Variants in ARHGEF6 observed in about 807,000 individuals in gnomAD.
The protein encoded by ARHGEF6 is Rac/Cdc42 guanine nucleotide exchange factor 6.
In ARHGEF6, 9 loss-of-function variants were observed where a neutral mutation model predicts 70.3. The ratio of observed to expected loss-of-function variants is 0.13; its 90% CI spans 0.08 to 0.22. ARHGEF6 has a LOEUF of 0.22. Among genes scored for constraint, ARHGEF6 ranks in the 10% least tolerant of loss-of-function variants. ARHGEF6 has a pLI of 1.00. For synonymous variants in ARHGEF6, 201 were observed against 207.8 expected (o/e 0.97, Z 0.28); for missense variants, 470 against 563.0 (o/e 0.83, Z 1.67).
At chrX:136,767,086 A>C in intron 2 of ARHGEF6, 23 of 704,277 alleles carry the variant, frequency 3.3e-5, no homozygotes, top group Non-Finnish European at 3.9e-5. Flanking sequence ...TTCGGCACCC[A>C]CCCCCGGGCC....
chrX:136,686,594 G>A (rs866716122), intron 11 of ARHGEF6, among the ~76,000 whole-genome samples: 4,182 of 56,872 alleles, frequency 0.074, 379 homozygotes, highest in African/African-American at 0.24. Context: ...GTATGTGTGT[G>A]TATATATATA....
chrX:136,739,957 C>T (rs1354997655), intron 5 of ARHGEF6, among the ~76,000 whole-genome samples: 1 of 111,354 alleles, frequency 9.0e-6, no homozygotes, highest in Non-Finnish European at 1.9e-5. Flanking sequence ...ATTGTGATGG[C>T]CTTGGCCTTT....
At chrX:136,727,390 T>TC (rs2076874669) in intron 6 of ARHGEF6, among the ~76,000 whole-genome samples, 2 of 74,534 alleles carry the variant, frequency 2.7e-5, no homozygotes, top group Admixed American at 3.1e-4. Context: ...TCTTTCTTTC[T>TC]TTCTTTCTCT....
chrX:136,712,403 T>C (rs1191534423), intron 7 of ARHGEF6, among the ~76,000 whole-genome samples: 1 of 112,543 alleles, frequency 8.9e-6, no homozygotes, highest in Non-Finnish European at 1.9e-5. Context: ...TTTTCAGCCA[T>C]CACACCCGGC....
At chrX:136,752,143 A>G in intron 2 of ARHGEF6, among the ~76,000 whole-genome samples, 1 of 112,613 alleles carries the variant, frequency 8.9e-6, no homozygotes. Context: ...CAATACAAGT[A>G]GCATCTGTAT....
At chrX:136,757,180 A>C (rs944546623) in intron 2 of ARHGEF6, among the ~76,000 whole-genome samples, 2 of 112,681 alleles carry the variant, frequency 1.8e-5, no homozygotes, top group Non-Finnish European at 3.8e-5. Context: ...CAGCCTGGCC[A>C]ACATGGCCGT....
chrX:136,729,340 T>C (rs777505226), intron 6 of ARHGEF6, among the ~76,000 whole-genome samples: 56 of 104,274 alleles, frequency 5.4e-4, no homozygotes, highest in Middle Eastern at 4.8e-3. Flanking sequence ...TTGTGGTGCA[T>C]GCCTGTAATC....
Position 136,665,794 on chromosome X carries a change from T to C in ARHGEF6, c.*2235A>G, listed in dbSNP as rs752641097. On this transcript the variant is annotated 3_prime_UTR_variant, in exon 22 of 22. Coordinates refer to ENST00000250617, the MANE Select transcript of ARHGEF6 (RefSeq NM_004840.3). ...ACATGGCTTCATTTCCTTTATATTA[T>C]AGTTTAGTGTGTAAGCATGGTTACC... The C allele has an allele frequency of 8.9e-6, 1 of 111,844 alleles. No homozygotes were observed. The highest frequency in any genetic ancestry group is 3.8e-4 in the South Asian group (1 of 2,619). The allele number at this position is 111,844 out of a possible 1,213,427, so 9.2% of individuals were successfully genotyped here. A position where few individuals can be genotyped will look rare whatever the true frequency, so the allele number is the denominator to read the frequency against.
intron 18 of ARHGEF6, 112 bp from the exon 19 acceptor site, chrX:136,675,208 G>A (rs776057148): frequency 3.1e-6 from 2 of 643,686 alleles, no homozygotes; most frequent in African/African-American, 2.2e-5. Context: ...TAGAGTTTGT[G>A]AAAGGCAGGA....
At chrX:136,714,839 G>A (rs2076721149) in intron 6 of ARHGEF6, among the ~76,000 whole-genome samples, 1 of 111,451 alleles carries the variant, frequency 9.0e-6, no homozygotes, top group African/African-American at 3.3e-5. Flanking sequence ...CTACCTGGGG[G>A]ACCATTATGA....
intron 12 of ARHGEF6, among the ~76,000 whole-genome samples, chrX:136,684,607 T>C (rs1031094706): frequency 3.6e-5 from 4 of 110,461 alleles, no homozygotes; most frequent in African/African-American, 1.3e-4. Context: ...AAGGCACATC[T>C]GTTAGGGACA....
At chrX:136,740,079 G>A (rs1321822795) in intron 5 of ARHGEF6, among the ~76,000 whole-genome samples, 1 of 111,078 alleles carries the variant, frequency 9.0e-6, no homozygotes, top group Non-Finnish European at 1.9e-5. Context: ...CACGATCTCA[G>A]CTCACTGCAA....
Position 136,743,756 on chromosome X carries a change from T to A in ARHGEF6, c.490A>T (p.Ile164Leu). The change falls in exon 5 of 22, where the codon ATA becomes TTA. Residue 164 changes from isoleucine to leucine, a missense_variant. Ile to Leu is a conservative substitution (Grantham distance 5). This residue lies in a region of ARHGEF6 where 379 missense variants were observed against 449.3 expected (regional missense o/e 0.84). Transcript: ENST00000250617. ...EMTENGSHQLIVKARFNFKQT... is the reference protein window; with the variant it reads ...EMTENGSHQLLVKARFNFKQT... The stretch of plus-strand genomic sequence containing the variant: ...TTAAAGTTGAATCTTGCTTTTACTA[T>A]CAACTGATGACTTCCATTTTCCGTC... 1.7e-6 allele frequency: 2 copies of A among 1,211,669 alleles called. No individual in the cohort carries two copies. The highest frequency in any genetic ancestry group is 2.2e-6 in the Non-Finnish European group (2 of 895,466).
At chrX:136,774,261 T>C (rs2077384726) in intron 2 of ARHGEF6, among the ~76,000 whole-genome samples, 1 of 111,217 alleles carries the variant, frequency 9.0e-6, no homozygotes, top group African/African-American at 3.3e-5. Context: ...CATCCAGTAT[T>C]CTTAGAACTG....
At chrX:136,780,197 A>G (rs2077436526) in intron 1 of ARHGEF6, among the ~76,000 whole-genome samples, 1 of 112,156 alleles carries the variant, frequency 8.9e-6, no homozygotes, top group South Asian at 3.7e-4. Flanking sequence ...CGAAACATAT[A>G]TCTGGTTTCT....
chrX:136,743,557 C>A, intron 5 of ARHGEF6, 28 bp downstream of exon 5: 1 of 1,186,081 alleles, frequency 8.4e-7, no homozygotes, highest in African/African-American at 1.7e-5. Context: ...GAGTCACAAT[C>A]AAAAAGCCTT....
chrX:136,735,137 G>A (rs776594931), intron 5 of ARHGEF6, among the ~76,000 whole-genome samples: 1 of 111,903 alleles, frequency 8.9e-6, no homozygotes, highest in Non-Finnish European at 1.9e-5. Context: ...TGAAGTTCTA[G>A]TTCTCTCTGC....
chrX:136,771,760 A>G (rs1440576468), intron 2 of ARHGEF6, among the ~76,000 whole-genome samples: 1 of 112,136 alleles, frequency 8.9e-6, no homozygotes, highest in Non-Finnish European at 1.9e-5. Flanking sequence ...AGGCAATAAC[A>G]AATGCTGGAG....
rs1261965018 is a variant in ARHGEF6 at position 136,666,202 on chromosome X, G to C, written c.*1827C>G. 8.9e-6 allele frequency: 1 copy of C among 112,874 alleles called. No homozygotes were observed. Among genetic ancestry groups the C allele is most frequent in the Non-Finnish European group, 1.9e-5 (1 of 53,364 alleles). 9.3% of individuals were successfully genotyped at this position (112,874 alleles called of 1,213,427 possible). On this transcript the variant is annotated 3_prime_UTR_variant, in exon 22 of 22. Coordinates refer to ENST00000250617, the MANE Select transcript of ARHGEF6 (RefSeq NM_004840.3). ...ACACGGCTGTGTGTGGTTGGCTGAT[G>C]TTGGACTGCAAAAATAGTCCATTTC... is the stretch of plus-strand genomic sequence containing the variant.
Sources: gnomAD v4.1 joint callset for allele counts (sites outside exome capture counted in the v4.1 genomes callset) on GRCh38, gnomAD v4.1.1 for gene constraint, gnomAD v4.1.1 regional missense constraint, MANE v1.5 for transcripts, NCBI Gene and HGNC (gene_info 2026-07-23, HGNC 2026-07-21) for gene names.